RNPS1: variants seen among roughly 807,000 people sequenced by gnomAD.
The protein encoded by RNPS1 is RNA-binding protein with serine-rich domain 1.
For synonymous variants in RNPS1, 147 were observed against 150.0 expected (o/e 0.98, Z 0.15); for missense variants, 300 against 427.6 (o/e 0.70, Z 2.63).
intron 2 of RNPS1, 75 bp from the exon 3 acceptor site, chr16:2,264,406 T>G: frequency 2.5e-6 from 4 of 1,601,398 alleles, no homozygotes; most frequent in Non-Finnish European, 1.7e-6. Flanking sequence ...AAACGGGGGA[T>G]CAGCATCAGC....
chr16:2,264,940 G>A (rs970825914), intron 1 of RNPS1, 180 bp from the exon 2 acceptor site: 31 of 338,538 alleles, frequency 9.2e-5, no homozygotes, highest in South Asian at 5.0e-4. Context: ...TCTCTACCCC[G>A]CAGAGGAGGC....
intron 6 of RNPS1, among the ~76,000 whole-genome samples, chr16:2,260,888 T>C (rs1363890483): frequency 6.6e-6 from 1 of 152,208 alleles, no homozygotes; most frequent in Non-Finnish European, 1.5e-5. Context: ...CCCAGCACTT[T>C]GGGAGGCCGA....
chr16:2,260,317 G>A (rs187924298), intron 6 of RNPS1, among the ~76,000 whole-genome samples: 28 of 151,678 alleles, frequency 1.8e-4, no homozygotes, highest in Admixed American at 1.2e-3. Flanking sequence ...CATCATGCCC[G>A]GCTAATTTTT....
At chr16:2,267,453 G>A (rs2093629369) in intron 1 of RNPS1, 1 of 965,364 alleles carries the variant, frequency 1.0e-6, no homozygotes, top group East Asian at 1.1e-4. Context: ...CTCGGCCACC[G>A]TGCTCGGTCC....
intron 6 of RNPS1, 74 bp downstream of exon 6, chr16:2,262,204 T>C (rs559129856): frequency 3.7e-5 from 54 of 1,444,902 alleles, no homozygotes; most frequent in East Asian, 4.6e-5. Context: ...TGCAGCCCAG[T>C]TGGAAATCAG....
chr16:2,267,534 A>C, intron 1 of RNPS1: 1 of 1,027,060 alleles, frequency 9.7e-7, no homozygotes, highest in Non-Finnish European at 1.2e-6. Flanking sequence ...TTCGCGGAGT[A>C]CACGTTTGAA....
intron 6 of RNPS1, 77 bp from the exon 7 acceptor site, chr16:2,255,803 G>T: frequency 6.9e-7 from 1 of 1,443,398 alleles, no homozygotes; most frequent in Non-Finnish European, 9.6e-7. Flanking sequence ...GTGAAAGACA[G>T]GCCTGGGGGG....
Position 2,262,918 on chromosome 16 carries a change from T to C in RNPS1, c.420-76A>G, listed in dbSNP as rs1047382653. The C allele has an allele frequency of 1.5e-5, 21 of 1,373,828 alleles. No homozygotes were observed. The Admixed American group carries it at 3.8e-4, about 25-fold the overall frequency. 85.1% of individuals were successfully genotyped at this position (1,373,828 alleles called of 1,614,324 possible). On this transcript the variant is annotated intron_variant, in intron 4 of 7. Transcript: ENST00000320225. ...ACTAGACGCCTTTCGAGTAAGCTCTTATCTGCTTGTGTGACAGTTTTCATA... is the reference window on the plus strand; with the variant it reads ...ACTAGACGCCTTTCGAGTAAGCTCTCATCTGCTTGTGTGACAGTTTTCATA...
Position 2,253,608 on chromosome 16 carries a change from C to A in RNPS1, c.*356G>T, listed in dbSNP as rs1463019421. 2.2e-5 allele frequency: 9 copies of A among 404,202 alleles called. No individual in the cohort carries two copies. The highest frequency in any genetic ancestry group is 3.2e-5 in the Non-Finnish European group (7 of 217,100). The allele number at this position is 404,202 out of a possible 1,614,324, so 25.0% of individuals were successfully genotyped here. A position where few individuals can be genotyped will look rare whatever the true frequency, so the allele number is the denominator to read the frequency against. ...CAGCAACAGCAAGGGCACGGCCTGG[C>A]CACCATCCCAGGTCATCGGGGAAGG... On this transcript the variant is annotated 3_prime_UTR_variant, in exon 8 of 8. Transcript: ENST00000320225.
In RNPS1 at chr16:2,255,609, C is replaced by A. The variant is rs1430727682; in HGVS notation, c.794G>T (p.Arg265Met). 1 of 1,600,750 alleles carries A rather than the reference C, an allele frequency of 6.2e-7. No homozygotes were observed. Among genetic ancestry groups the A allele is most frequent in the Non-Finnish European group, 8.5e-7 (1 of 1,174,128 alleles). The change falls in exon 7 of 8, where the codon AGG becomes ATG. Residue 265 changes from arginine to methionine, a missense_variant. By Grantham distance (91) the Arg-to-Met change is moderately conservative. Coordinates refer to ENST00000320225, the MANE Select transcript of RNPS1 (RefSeq NM_080594.4). The part of the protein sequence containing the change: ...RMLPPPPMWR[R>M]SPPRMRRRSR... The stretch of plus-strand genomic sequence containing the variant: ...CCTTCTCCTCATCCGTGGGGGAGAC[C>A]TGCGCCACATAGGCGGTGGTGGCAA...
chr16:2,263,413 T>G, intron 3 of RNPS1, 126 bp from the exon 4 acceptor site: 8 of 864,034 alleles, frequency 9.3e-6, no homozygotes, highest in Non-Finnish European at 1.3e-5. Flanking sequence ...CCTCACTGCT[T>G]TCAGCAGTGG....
rs1254312533 is a variant in RNPS1 at position 2,253,775 on chromosome 16, G to C, written c.*189C>G. The C allele has an allele frequency of 1.4e-6, 1 of 702,618 alleles. No homozygotes were observed. The highest frequency in any genetic ancestry group is 2.1e-5 in the Admixed American group (1 of 47,914). The allele number at this position is 702,618 out of a possible 1,614,324, so 43.5% of individuals were successfully genotyped here. ...AGAAAACCGGAGGGAATCTTGACAG[G>C]CACACAGCATCCAAACCAACAGCAC... On this transcript the variant is annotated 3_prime_UTR_variant, in exon 8 of 8. Transcript: ENST00000320225.
chr16:2,267,850 G>A (rs2093631729), intron 1 of RNPS1: 4 of 1,514,950 alleles, frequency 2.6e-6, no homozygotes, highest in Middle Eastern at 2.4e-4. Context: ...GTCCGCAGCG[G>A]CCCCGACCAC....
At chr16:2,262,995 A>G (rs2093609427) in intron 4 of RNPS1, 101 bp downstream of exon 4, 19 of 1,384,958 alleles carry the variant, frequency 1.4e-5, no homozygotes, top group South Asian at 1.3e-4. Flanking sequence ...CAGAAATCCT[A>G]TTAACACAGA....
chr16:2,261,454 C>T (rs1462487658), intron 6 of RNPS1, among the ~76,000 whole-genome samples: 3 of 152,194 alleles, frequency 2.0e-5, no homozygotes, highest in African/African-American at 7.2e-5. Flanking sequence ...CAGGAAGCAG[C>T]CAGAAAGATT....
chr16:2,267,243 GC>G (rs1168278648), intron 1 of RNPS1: 5 of 985,340 alleles, frequency 5.1e-6, no homozygotes, highest in Admixed American at 1.2e-4. Context: ...GCGTCCAACA[GC>G]CAGAGAGAGG....
In RNPS1 at chr16:2,262,721, A is replaced by G; in HGVS notation, c.522+19T>C. ...TTGTCCACACCCCACTGCCCACAGG[A>G]GAGATCCATGATCCTCACCTTTGTC... On this transcript the variant is annotated intron_variant, in intron 5 of 7. Coordinates refer to ENST00000320225, the MANE Select transcript of RNPS1 (RefSeq NM_080594.4). 2 of 1,601,488 alleles carry G rather than the reference A, an allele frequency of 1.2e-6. No individual in the cohort carries two copies. The highest frequency in any genetic ancestry group is 1.7e-6 in the Non-Finnish European group (2 of 1,170,230).
intron 6 of RNPS1, among the ~76,000 whole-genome samples, chr16:2,259,123 CAA>C (rs34193204): frequency 4.4e-5 from 5 of 113,692 alleles, no homozygotes; most frequent in Non-Finnish European, 5.2e-5. Flanking sequence ...AAAAAAGTCT[CAA>C]AAAAAAAAAA....
At chr16:2,262,966 A>G (rs1211680232) in intron 4 of RNPS1, 124 bp from the exon 5 acceptor site, 17 of 1,309,604 alleles carry the variant, frequency 1.3e-5, no homozygotes, top group East Asian at 4.7e-5. Flanking sequence ...CTGCTAGTTC[A>G]CATACATTAT....
Sources: allele counts gnomAD v4.1 joint callset (sites outside exome capture counted in the v4.1 genomes callset), GRCh38; gene constraint gnomAD v4.1.1; transcripts MANE v1.5; gene names NCBI Gene and HGNC (gene_info 2026-07-23, HGNC 2026-07-21).